The following ASAP1 variants were observed in gnomAD, a reference collection of about 807,000 sequenced individuals.
ASAP1 encodes the protein arf-GAP with SH3 domain, ANK repeat and PH domain-containing protein 1.
ASAP1 carries 43 observed loss-of-function variants against 145.2 expected under a neutral mutation model. The observed-to-expected ratio is 0.30, with a 90% CI of 0.23 to 0.38. The LOEUF is 0.38. Among genes scored for constraint, ASAP1 ranks in the 10% least tolerant of loss-of-function variants. ASAP1 has a pLI of 1.00. For synonymous variants in ASAP1, 546 were observed against 515.5 expected (o/e 1.06, Z -0.80); for missense variants, 1,018 against 1,355.3 (o/e 0.75, Z 3.91).
At chr8:130,124,251 T>A in intron 17 of ASAP1, 147 bp from the exon 18 acceptor site, 1 of 638,534 alleles carries the variant, frequency 1.6e-6, no homozygotes, top group East Asian at 3.0e-5. Flanking sequence ...GGTCTACAAA[T>A]ATTTACTGAG....
chr8:130,079,754 T>A, intron 26 of ASAP1, 148 bp downstream of exon 26: 1 of 747,654 alleles, frequency 1.3e-6, no homozygotes, highest in Non-Finnish European at 2.3e-6. Context: ...AAACCAAGAG[T>A]GAACGTCTGG....
At chr8:130,197,108 A>G (rs983303079) in intron 5 of ASAP1, among the ~76,000 whole-genome samples, 5 of 152,238 alleles carry the variant, frequency 3.3e-5, no homozygotes, top group African/African-American at 1.2e-4. Flanking sequence ...GAACTAGCCC[A>G]TGCCAGTGTC....
At chr8:130,222,033 C>A (rs1003216012) in intron 4 of ASAP1, among the ~76,000 whole-genome samples, 3 of 152,204 alleles carry the variant, frequency 2.0e-5, no homozygotes, top group African/African-American at 7.2e-5. Context: ...TTGGCCACTG[C>A]ATTGGAGCCA....
chr8:130,429,619 C>T (rs1830067926), intron 1 of ASAP1, among the ~76,000 whole-genome samples: 1 of 152,146 alleles, frequency 6.6e-6, no homozygotes, highest in South Asian at 2.1e-4. Flanking sequence ...CCTCTGTAGA[C>T]TCTGTTTCAG....
intron 1 of ASAP1, among the ~76,000 whole-genome samples, chr8:130,407,569 T>C (rs959983243): frequency 1.3e-5 from 2 of 152,238 alleles, no homozygotes; most frequent in African/African-American, 4.8e-5. Context: ...CATTTCCCGC[T>C]GCCACCAGCG....
intron 11 of ASAP1, among the ~76,000 whole-genome samples, chr8:130,166,928 G>A (rs1466330136): frequency 6.6e-6 from 1 of 152,206 alleles, no homozygotes; most frequent in Admixed American, 6.5e-5. Flanking sequence ...GACAGAAGTG[G>A]TCTAAAGAGG....
In ASAP1 at chr8:130,344,951, A is replaced by C. The variant is rs182870136; in HGVS notation, c.186+13066T>G. ...TCCTAAAGGTATTGTTTTAGTTACA[A>C]ATTACTTGACAAAACATCTCCAGCA... On this transcript the variant is annotated intron_variant, in intron 3 of 29. Transcript: ENST00000518721. Among the ~76,000 whole-genome samples the C allele has an allele frequency of 3.9e-5, 6 of 152,322 alleles. No individual in the cohort carries two copies. The South Asian group carries it at 6.2e-4, about 16-fold the overall frequency.
chr8:130,407,096 T>C (rs749438372), intron 1 of ASAP1, among the ~76,000 whole-genome samples: 2 of 152,182 alleles, frequency 1.3e-5, no homozygotes, highest in African/African-American at 4.8e-5. Flanking sequence ...CAAAAAATGG[T>C]TGGCTCCCCG....
intron 1 of ASAP1, among the ~76,000 whole-genome samples, chr8:130,441,077 G>C (rs2138846699): frequency 6.6e-6 from 1 of 152,290 alleles, no homozygotes; most frequent in East Asian, 1.9e-4. Flanking sequence ...ATGCATGGTT[G>C]TTCAATTGAT....
At chr8:130,346,658 T>C (rs1825720995) in intron 3 of ASAP1, among the ~76,000 whole-genome samples, 1 of 152,198 alleles carries the variant, frequency 6.6e-6, no homozygotes, top group Admixed American at 6.5e-5. Flanking sequence ...GATTCTGAAT[T>C]TGTTCAAACT....
intron 24 of ASAP1, among the ~76,000 whole-genome samples, chr8:130,109,022 A>C (rs1426574759): frequency 6.6e-6 from 1 of 151,824 alleles, no homozygotes; most frequent in South Asian, 2.1e-4. Flanking sequence ...TGATCCGGCC[A>C]CCTCGGTCTC....
At chr8:130,064,893 A>ATGTGTGTGTGTGTGTGTG (rs34905534) in intron 27 of ASAP1, among the ~76,000 whole-genome samples, 3 of 142,564 alleles carry the variant, frequency 2.1e-5, no homozygotes, top group African/African-American at 5.3e-5. Context: ...TTTACTAAGA[A>ATGTGTGTGTGTGTGTGTG]TGTGTGTGTG....
At position 130,167,309 on chromosome 8, in the gene ASAP1, A is replaced by C. The variant is rs376353418; in HGVS notation, c.909+227T>G. The C allele has an allele frequency of 1.7e-4, 95 of 544,228 alleles. No individual in the cohort carries two copies. In the African/African-American group the frequency reaches 3.3e-3, roughly 19 times the overall value. 33.7% of individuals were successfully genotyped at this position (544,228 alleles called of 1,614,324 possible). Reference sequence around the variant, plus strand: ...AGACCCTGTCTCAAAAAAGTAAAGAAAAAAGAAAAAAAAAAAATCCAGAGT... The same window carrying C: ...AGACCCTGTCTCAAAAAAGTAAAGACAAAAGAAAAAAAAAAAATCCAGAGT... On this transcript the variant is annotated intron_variant, in intron 11 of 29. Transcript: ENST00000518721.
chr8:130,399,794 G>A (rs1440213651), intron 2 of ASAP1, among the ~76,000 whole-genome samples: 1 of 147,186 alleles, frequency 6.8e-6, no homozygotes, highest in South Asian at 2.1e-4. Flanking sequence ...GAAAACAGAA[G>A]AAACAGAGAA....
intron 3 of ASAP1, among the ~76,000 whole-genome samples, chr8:130,265,549 G>A (rs1462238630): frequency 6.6e-6 from 1 of 150,814 alleles, no homozygotes; most frequent in African/African-American, 2.4e-5. Context: ...CTCCAGCCTG[G>A]GTAACAGAGT....
At position 130,159,908 on chromosome 8, in the gene ASAP1, T is replaced by C. The variant is rs2097665656; in HGVS notation, c.966A>G (p.Glu322=). The change falls in exon 12 of 30, where the codon GAA becomes GAG. Residue 322 remains glutamate (E), a synonymous_variant. Coordinates refer to ENST00000518721, the MANE Select transcript of ASAP1 (RefSeq NM_018482.4). ...YSMHQLQGNK[E]YGSEKKGYLL... ...GGTACCCCTTCTTTTCACTGCCATATTCCTTATTGCCCTGGAGCTGATGCA... is the reference window on the plus strand; with the variant it reads ...GGTACCCCTTCTTTTCACTGCCATACTCCTTATTGCCCTGGAGCTGATGCA... 6.2e-7 allele frequency: 1 copy of C among 1,614,186 alleles called. No individual in the cohort carries two copies. The highest frequency in any genetic ancestry group is 8.5e-7 in the Non-Finnish European group (1 of 1,180,020).
chr8:130,294,234 A>G (rs183894333), intron 3 of ASAP1, among the ~76,000 whole-genome samples: 1 of 152,224 alleles, frequency 6.6e-6, no homozygotes. Flanking sequence ...ACTTGGAACT[A>G]GTTCTCGATG....
intron 25 of ASAP1, among the ~76,000 whole-genome samples, chr8:130,081,994 T>C (rs544686942): frequency 6.6e-6 from 1 of 152,232 alleles, no homozygotes; most frequent in African/African-American, 2.4e-5. Flanking sequence ...GTCAGGTCAC[T>C]GGTAAGGGTC....
In ASAP1 at chr8:130,121,784, CAAAAAAAAAAAAAAAA is replaced by C. The variant is rs56996962; in HGVS notation, c.1607+2213_1607+2228del. On this transcript the variant is annotated intron_variant, in intron 18 of 29. Transcript: ENST00000518721. ...AGGCTATGAGAGTGAAATTCCATCTCAAAAAAAAAAAAAAAAAAAAAAAAAAAAGAACATACGATCA... is the reference window on the plus strand; with the variant it reads ...AGGCTATGAGAGTGAAATTCCATCTCAAAAAAAAAAAAGAACATACGATCA... 1.2e-3 allele frequency among the ~76,000 whole-genome samples: 31 copies of C among 25,408 alleles called. No homozygotes were observed. The East Asian group carries it at 0.078, about 64-fold the overall frequency. The allele number at this position is 25,408 out of a possible 152,430, so 16.7% of individuals were successfully genotyped here.
Sources: gnomAD v4.1 joint callset for allele counts (sites outside exome capture counted in the v4.1 genomes callset) on GRCh38, gnomAD v4.1.1 for gene constraint, MANE v1.5 for transcripts, NCBI Gene and HGNC (gene_info 2026-07-23, HGNC 2026-07-21) for gene names.